The following KATNBL1 variants were observed in gnomAD, a reference collection of about 807,000 sequenced individuals.
KATNBL1 encodes the protein katanin regulatory subunit B1 like 1, also known as KATNB1-like protein 1.
Under a neutral mutation model 44.7 loss-of-function variants are expected in KATNBL1, and 28 were observed. The observed-to-expected ratio is 0.63, with a 90% CI of 0.46 to 0.86. The LOEUF (loss-of-function observed/expected upper bound fraction) is 0.86. KATNBL1 is among the 40% of genes least tolerant of loss of function. The pLI is 0.00. For synonymous variants in KATNBL1, 78 were observed against 114.9 expected (o/e 0.68, Z 2.06); for missense variants, 272 against 350.7 (o/e 0.78, Z 1.79).
chr15:34,191,953 C>CAAA (rs572381001), intron 1 of KATNBL1, among the ~76,000 whole-genome samples: 1 of 90,648 alleles, frequency 1.1e-5, no homozygotes, highest in Non-Finnish European at 2.3e-5. Context: ...GACTCCATCT[C>CAAA]AAAAAAAAAA....
At chr15:34,159,265 C>G (rs962156564) in intron 2 of KATNBL1, among the ~76,000 whole-genome samples, 2 of 152,128 alleles carry the variant, frequency 1.3e-5, no homozygotes, top group African/African-American at 4.8e-5. Flanking sequence ...GCCGGTGGCC[C>G]CCGTGTTTTT....
chr15:34,142,630 TA>T (rs1888181893), intron 9 of KATNBL1: 1 of 373,556 alleles, frequency 2.7e-6, no homozygotes, highest in South Asian at 4.1e-5. Flanking sequence ...CTTTCATAGC[TA>T]ACATTCACAG....
rs958203394 is a variant in KATNBL1 at position 34,171,408 on chromosome 15, A to C, written c.-14-7718T>G. 1.6e-4 allele frequency among the ~76,000 whole-genome samples: 25 copies of C among 152,248 alleles called. 1 individual carries two copies. The highest frequency in any genetic ancestry group is 5.3e-4 in the African/African-American group (22 of 41,462). On this transcript the variant is annotated intron_variant, in intron 1 of 9. Transcript: ENST00000256544. ...GAGATACCGTCTCATGCCAGTTAGA[A>C]TGGTGATCATTAAAAAGTCAGGCAA...
intron 1 of KATNBL1, among the ~76,000 whole-genome samples, chr15:34,170,136 A>G (rs1344953220): frequency 6.6e-6 from 1 of 152,230 alleles, no homozygotes; most frequent in Non-Finnish European, 1.5e-5. Flanking sequence ...TTAGGAAAAG[A>G]GGAAGTCAAA....
At chr15:34,159,793 G>A (rs534288208) in intron 2 of KATNBL1, among the ~76,000 whole-genome samples, 5 of 152,208 alleles carry the variant, frequency 3.3e-5, no homozygotes, top group East Asian at 1.9e-4. Flanking sequence ...CCCTGCATCC[G>A]GAATTAATAA....
At chr15:34,162,872 CG>C (rs1888850812) in intron 2 of KATNBL1, among the ~76,000 whole-genome samples, 1 of 151,978 alleles carries the variant, frequency 6.6e-6, no homozygotes, top group African/African-American at 2.4e-5. Flanking sequence ...CCTCAGCCTC[CG>C]AAAGTGCTGG....
chr15:34,148,822 G>A (rs564278919), intron 4 of KATNBL1, 72 bp from the exon 5 acceptor site: 14 of 857,566 alleles, frequency 1.6e-5, no homozygotes, highest in African/African-American at 8.4e-5. Flanking sequence ...TTATTAAATC[G>A]TTCTGGTAGA....
chr15:34,152,290 T>C (rs1888504149), intron 4 of KATNBL1, among the ~76,000 whole-genome samples: 1 of 151,824 alleles, frequency 6.6e-6, no homozygotes. Flanking sequence ...AACTTCTGCC[T>C]CCCGGGTTCA....
intron 2 of KATNBL1, 133 bp downstream of exon 2, chr15:34,163,427 C>T: frequency 2.0e-6 from 2 of 1,025,578 alleles, no homozygotes; most frequent in Non-Finnish European, 2.8e-6. Context: ...GGTTATATTT[C>T]ACCAATTCAA....
intron 1 of KATNBL1, chr15:34,208,715 AATC>A (rs1890355939): frequency 6.6e-6 from 1 of 152,374 alleles, no homozygotes. Flanking sequence ...CCTTAAGTAT[AATC>A]ATCAAGAGCA....
rs962784454 is a variant in KATNBL1, at chr15:34,169,114, C to T, written c.-14-5424G>A. On this transcript the variant is annotated intron_variant, in intron 1 of 9. Coordinates refer to ENST00000256544, the MANE Select transcript of KATNBL1 (RefSeq NM_024713.3). ...AGAGCAGAACTGAAGGAGATAGAGA[C>T]ACAAAAACCCTTCAAAAAAAATCAA... 1.7e-4 allele frequency among the ~76,000 whole-genome samples: 26 copies of T among 152,106 alleles called. 1 individual carries two copies. The highest frequency in any genetic ancestry group is 5.3e-4 in the African/African-American group (22 of 41,424).
intron 1 of KATNBL1, among the ~76,000 whole-genome samples, chr15:34,174,654 T>C (rs570367050): frequency 2.6e-5 from 4 of 152,076 alleles, no homozygotes; most frequent in African/African-American, 4.8e-5. Flanking sequence ...AAAAGTATCA[T>C]GCAAATACTA....
intron 1 of KATNBL1, among the ~76,000 whole-genome samples, chr15:34,196,181 G>A (rs1241555870): frequency 6.6e-6 from 1 of 152,166 alleles, no homozygotes; most frequent in Non-Finnish European, 1.5e-5. Context: ...ACTTTGGGAG[G>A]CCAAGTGGGA....
chr15:34,195,703 A>AAAAAAAAAAAACAAAAAAAAAC (rs1890012603), intron 1 of KATNBL1, among the ~76,000 whole-genome samples: 5 of 151,670 alleles, frequency 3.3e-5, no homozygotes, highest in African/African-American at 1.2e-4. Context: ...AAAAAAAAAA[A>AAAAAAAAAAAACAAAAAAAAAC]ACCCAAAAAA....
chr15:34,177,208 T>C (rs1022365491), intron 1 of KATNBL1, among the ~76,000 whole-genome samples: 2 of 152,312 alleles, frequency 1.3e-5, no homozygotes, highest in East Asian at 1.9e-4. Context: ...CCTTAGTGTA[T>C]TGTCCTAAGA....
Position 34,142,700 on chromosome 15 carries a change from T to A in KATNBL1, c.883-329A>T, listed in dbSNP as rs191039657. 1.1e-5 allele frequency: 3 copies of A among 268,052 alleles called. No individual in the cohort carries two copies. The Admixed American group carries it at 1.6e-4, about 14-fold the overall frequency. The allele number at this position is 268,052 out of a possible 1,614,324, so 16.6% of individuals were successfully genotyped here. On this transcript the variant is annotated intron_variant, in intron 9 of 9. Coordinates refer to ENST00000256544, the MANE Select transcript of KATNBL1 (RefSeq NM_024713.3). ...TATTCACTTGAGCCCAGCTTGACAA[T>A]AGCCTCTTTCAATTTCTTTCTCTTT...
At chr15:34,207,173 G>T (rs1355041542) in intron 1 of KATNBL1, among the ~76,000 whole-genome samples, 1 of 151,656 alleles carries the variant, frequency 6.6e-6, no homozygotes, top group Non-Finnish European at 1.5e-5. Context: ...CCAAGCAGCT[G>T]TGACTACAGG....
chr15:34,162,589 T>TA (rs1182675476), intron 2 of KATNBL1, among the ~76,000 whole-genome samples: 1 of 152,224 alleles, frequency 6.6e-6, no homozygotes, highest in Non-Finnish European at 1.5e-5. Context: ...ACAAGTGAGT[T>TA]AAATTTTAAT....
chr15:34,148,589 GA>G, intron 5 of KATNBL1, 42 bp downstream of exon 5: 10 of 1,171,184 alleles, frequency 8.5e-6, no homozygotes, highest in African/African-American at 1.5e-5. Context: ...ACTTGTCTCA[GA>G]AAAAAAGTGA....
Sources: gnomAD v4.1 joint callset for allele counts (sites outside exome capture counted in the v4.1 genomes callset) on GRCh38, gnomAD v4.1.1 for gene constraint, MANE v1.5 for transcripts, NCBI Gene and HGNC (gene_info 2026-07-23, HGNC 2026-07-21) for gene names.